Variants in TCF7L1 observed in about 807,000 individuals in gnomAD.
TCF7L1 encodes the protein transcription factor 7 like 1, also known as transcription factor 7-like 1.
In TCF7L1, 18 loss-of-function variants were observed where a neutral mutation model predicts 63.7. That is an observed-to-expected ratio of 0.28 (90% CI 0.20 to 0.42). The LOEUF is 0.42. Ranked by LOEUF, TCF7L1 falls within the 10% of genes least tolerant of loss-of-function variation. TCF7L1 has a pLI of 1.00. For synonymous variants in TCF7L1, 355 were observed against 340.9 expected (o/e 1.04, Z -0.46); for missense variants, 654 against 779.3 (o/e 0.84, Z 1.91).
At chr2:85,277,687 G>A (rs537822499) in intron 3 of TCF7L1, among the ~76,000 whole-genome samples, 5 of 152,316 alleles carry the variant, frequency 3.3e-5, no homozygotes, top group African/African-American at 9.6e-5. Flanking sequence ...TAGAAGCAGC[G>A]GAAGGCGTTC....
intron 3 of TCF7L1, among the ~76,000 whole-genome samples, chr2:85,208,095 A>G (rs1291249764): frequency 3.9e-5 from 6 of 152,090 alleles, no homozygotes; most frequent in Non-Finnish European, 4.4e-5. Context: ...TTTAGTAGAG[A>G]CAGGGTTTCA....
chr2:85,306,336 G>A lies in TCF7L1; in HGVS notation c.1120G>A (p.Ala374Thr). Residue 374 changes from alanine to threonine, a missense_variant, in exon 9 of 12, where the codon GCA becomes ACA. Ala to Thr is a moderately conservative substitution (Grantham distance 58). Transcript: ENST00000282111. This position sits in a 1 kb window ranked among gnomAD's most constrained non-coding sequence, Gnocchi z 4.3. The stretch of plus-strand genomic sequence containing the variant: ...GGCTGAGTGCACCCTGAAGGAAAGT[G>A]CAGCCATTAACCAGATCCTTGGAAG... ...VVAECTLKES[A>T]AINQILGRKW... 4 of 1,614,220 alleles carry A rather than the reference G, an allele frequency of 2.5e-6. No homozygotes were observed. The highest frequency in any genetic ancestry group is 3.4e-6 in the Non-Finnish European group (4 of 1,180,040).
chr2:85,161,778 C>T (rs921570637), intron 3 of TCF7L1, among the ~76,000 whole-genome samples: 6 of 152,164 alleles, frequency 3.9e-5, no homozygotes, highest in Admixed American at 3.9e-4. Context: ...TCCACTTGGT[C>T]AGGTTGGTGC....
At chr2:85,206,137 G>A (rs1395151987) in intron 3 of TCF7L1, among the ~76,000 whole-genome samples, 1 of 152,232 alleles carries the variant, frequency 6.6e-6, no homozygotes, top group Non-Finnish European at 1.5e-5. Context: ...AGGGCCAGTG[G>A]CCATGATGAG....
At chr2:85,298,319 C>G (rs1304619110) in intron 4 of TCF7L1, among the ~76,000 whole-genome samples, 1 of 151,184 alleles carries the variant, frequency 6.6e-6, no homozygotes, top group South Asian at 2.1e-4. Flanking sequence ...GGTGAAACCC[C>G]GTCTCTACTA....
chr2:85,156,752 C>T (rs964521244), intron 3 of TCF7L1, among the ~76,000 whole-genome samples: 2 of 152,196 alleles, frequency 1.3e-5, no homozygotes, highest in African/African-American at 4.8e-5. Context: ...AAGTTCGCAT[C>T]TTATTATTCT....
At chr2:85,285,126 G>C (rs1281745387) in intron 4 of TCF7L1, among the ~76,000 whole-genome samples, 1 of 152,076 alleles carries the variant, frequency 6.6e-6, no homozygotes, top group African/African-American at 2.4e-5. Context: ...CCAGCTACTA[G>C]GGAGGCTGAG....
intron 6 of TCF7L1, 121 bp from the exon 7 acceptor site, chr2:85,304,134 C>T (rs1163596999): frequency 3.2e-6 from 4 of 1,242,304 alleles, no homozygotes; most frequent in African/African-American, 1.5e-5. Flanking sequence ...GCCCAGGCAG[C>T]GTGCTCCCAG....
At chr2:85,302,735 G>A (rs759943612) in intron 5 of TCF7L1, 119 bp downstream of exon 5, 28 of 1,327,068 alleles carry the variant, frequency 2.1e-5, no homozygotes, top group Non-Finnish European at 2.9e-5. Context: ...TTTGTCTCAG[G>A]AGTCTTTGGA....
At chr2:85,268,173 C>T (rs988657528) in intron 3 of TCF7L1, among the ~76,000 whole-genome samples, 3 of 152,186 alleles carry the variant, frequency 2.0e-5, no homozygotes, top group African/African-American at 4.8e-5. Flanking sequence ...CCAGTGGCAG[C>T]GGACTTTCCC....
chr2:85,221,820 G>A (rs1258490406), intron 3 of TCF7L1, among the ~76,000 whole-genome samples: 1 of 151,684 alleles, frequency 6.6e-6, no homozygotes, highest in Non-Finnish European at 1.5e-5. Flanking sequence ...AAATAACATT[G>A]AACCTGAATT....
chr2:85,171,598 A>G (rs1049269731), intron 3 of TCF7L1, among the ~76,000 whole-genome samples: 10 of 152,218 alleles, frequency 6.6e-5, no homozygotes, highest in Non-Finnish European at 1.0e-4. Context: ...ATCCTCTTCA[A>G]TAGGGTTCAT....
At chr2:85,174,991 T>G (rs1188726641) in intron 3 of TCF7L1, among the ~76,000 whole-genome samples, 1 of 152,250 alleles carries the variant, frequency 6.6e-6, no homozygotes, top group Admixed American at 6.5e-5. Context: ...TGGTTTTGTG[T>G]CTTTGATATC....
chr2:85,280,901 C>T (rs1453567855), intron 3 of TCF7L1, among the ~76,000 whole-genome samples: 1 of 152,100 alleles, frequency 6.6e-6, no homozygotes, highest in Non-Finnish European at 1.5e-5. Context: ...TTAGGAAAAG[C>T]TTCGTGACTT....
rs988724466 is a variant in TCF7L1 at position 85,177,690 on chromosome 2, G to A, written c.441+43240G>A. ...ACTGCACTCCAGCCTGGGCAACAGA[G>A]CAAGACCCTGTCTCTAAAAAATAAA... On this transcript the variant is annotated intron_variant, in intron 3 of 11. Transcript: ENST00000282111. Among the ~76,000 whole-genome samples, 3 of 152,078 alleles carry A rather than the reference G, an allele frequency of 2.0e-5. No homozygotes were observed. The East Asian group carries it at 5.8e-4, about 29-fold the overall frequency.
chr2:85,134,507 C>A lies in TCF7L1; in HGVS notation c.441+57C>A. Reference sequence around the variant, plus strand: ...GGGAGGCCGCGGCCCGCAGGATGCGCCCCCGGGCTTGGCCATGGAGTGGGG... The same window carrying A: ...GGGAGGCCGCGGCCCGCAGGATGCGACCCCGGGCTTGGCCATGGAGTGGGG... On this transcript the variant is annotated intron_variant, in intron 3 of 11. Transcript: ENST00000282111. This position sits in a 1 kb window ranked among gnomAD's most constrained non-coding sequence, Gnocchi z 5.0. 6.5e-7 allele frequency: 1 copy of A among 1,536,044 alleles called. No homozygotes were observed. Among genetic ancestry groups the A allele is most frequent in the Non-Finnish European group, 8.8e-7 (1 of 1,140,268 alleles).
At chr2:85,303,859 G>A (rs754458984) in intron 5 of TCF7L1, 36 bp from the exon 6 acceptor site, 11 of 1,505,448 alleles carry the variant, frequency 7.3e-6, no homozygotes, top group Middle Eastern at 1.7e-4. Flanking sequence ...CTGGCAGGGC[G>A]AGGGAACAGT....
At chr2:85,150,453 C>G (rs2568221) in intron 3 of TCF7L1, among the ~76,000 whole-genome samples, 8 of 151,918 alleles carry the variant, frequency 5.3e-5, no homozygotes, top group Admixed American at 3.3e-4. Context: ...AGGATGGTCT[C>G]GATCTCCTGA....
At chr2:85,214,987 G>C (rs1429942963) in intron 3 of TCF7L1, among the ~76,000 whole-genome samples, 1 of 152,158 alleles carries the variant, frequency 6.6e-6, no homozygotes, top group Non-Finnish European at 1.5e-5. Flanking sequence ...CAGCTATGGA[G>C]AGTAAAATAA....
Sources: allele counts gnomAD v4.1 joint callset (sites outside exome capture counted in the v4.1 genomes callset), GRCh38; gene constraint gnomAD v4.1.1; non-coding constraint Gnocchi (gnomAD v3.1); transcripts MANE v1.5; gene names NCBI Gene and HGNC (gene_info 2026-07-23, HGNC 2026-07-21).